The following DOCK5 variants were observed in gnomAD, a reference collection of about 807,000 sequenced individuals.
The protein encoded by DOCK5 is dedicator of cytokinesis 5, also known as dedicator of cytokinesis protein 5.
A neutral mutation model predicts 251.8 loss-of-function variants in DOCK5; 142 were observed. That is an observed-to-expected ratio of 0.56 (90% confidence interval 0.49 to 0.65). DOCK5 has a LOEUF of 0.65. Among genes scored for constraint, DOCK5 ranks in the 30% least tolerant of loss-of-function variants. DOCK5 has a pLI of 0.00. For synonymous variants in DOCK5, 842 were observed against 835.5 expected (o/e 1.01, Z -0.13); for missense variants, 2,111 against 2,312.3 (o/e 0.91, Z 1.79).
intron 29 of DOCK5, among the ~76,000 whole-genome samples, chr8:25,363,624 T>G (rs1422510379): frequency 1.3e-5 from 2 of 152,254 alleles, no homozygotes. Context: ...CAGGATATAC[T>G]CCTAAAATAA....
At chr8:25,359,097 C>A in intron 28 of DOCK5, 36 bp downstream of exon 28, 1 of 1,576,608 alleles carries the variant, frequency 6.3e-7, no homozygotes, top group Non-Finnish European at 8.7e-7. Context: ...AACCTGAAGA[C>A]TTCTTAAATT....
chr8:25,351,416 G>C (rs926030841), intron 26 of DOCK5: 2 of 299,296 alleles, frequency 6.7e-6, no homozygotes, highest in Admixed American at 9.6e-5. Flanking sequence ...GCTAATGGGG[G>C]TCCCCCAAAA....
chr8:25,410,876 G>A (rs941046624), intron 51 of DOCK5, among the ~76,000 whole-genome samples: 1 of 150,906 alleles, frequency 6.6e-6, no homozygotes, highest in East Asian at 2.0e-4. Flanking sequence ...ACTTTTAAGT[G>A]CCTCCTGTCT....
At chr8:25,325,947 G>A (rs1322204655) in intron 18 of DOCK5, among the ~76,000 whole-genome samples, 2 of 152,098 alleles carry the variant, frequency 1.3e-5, no homozygotes, top group African/African-American at 4.8e-5. Flanking sequence ...GTCCAAACAG[G>A]TATGGCAGGG....
intron 14 of DOCK5, among the ~76,000 whole-genome samples, 186 bp from the exon 15 acceptor site, chr8:25,319,392 C>T (rs1394235940): frequency 1.3e-5 from 2 of 152,114 alleles, no homozygotes; most frequent in African/African-American, 2.4e-5. Context: ...ATTATAGACC[C>T]TTGAATAAAG....
Position 25,319,585 on chromosome 8 carries a change from T to C in DOCK5, c.1451T>C (p.Ile484Thr), listed in dbSNP as rs1028375631. The C allele has an allele frequency of 1.9e-6, 3 of 1,577,088 alleles. No homozygotes were observed. The East Asian group carries it at 6.9e-5, about 36-fold the overall frequency. ...DEEGKLLEKA[I>T]HPGAGYEGIS... is the part of the protein sequence containing the mutation. ...TTTTCCTTCCATCTGAAGAAAGCAA[T>C]TCACCCTGGTGCTGGATATGAAGGC... is the stretch of plus-strand genomic sequence containing the variant. Residue 484 changes from isoleucine to threonine, a missense_variant, in exon 15 of 52, where the codon ATT becomes ACT. Physicochemically the swap from Ile to Thr is moderately conservative, Grantham distance 89. Coordinates refer to ENST00000276440, the MANE Select transcript of DOCK5 (RefSeq NM_024940.8).
chr8:25,361,530 C>T (rs1293080587), intron 28 of DOCK5, among the ~76,000 whole-genome samples: 1 of 152,194 alleles, frequency 6.6e-6, no homozygotes, highest in Non-Finnish European at 1.5e-5. Context: ...AGCAGAATCG[C>T]TTGAACCCGT....
At chr8:25,294,918 A>G (rs1398683494) in intron 6 of DOCK5, among the ~76,000 whole-genome samples, 3 of 152,138 alleles carry the variant, frequency 2.0e-5, no homozygotes, top group Non-Finnish European at 4.4e-5. Flanking sequence ...TGAGAACTCT[A>G]TCACGAGAAC....
intron 2 of DOCK5, among the ~76,000 whole-genome samples, chr8:25,268,367 C>A (rs1211803750): frequency 6.6e-6 from 1 of 151,842 alleles, no homozygotes; most frequent in Non-Finnish European, 1.5e-5. Context: ...TAAAATTTTT[C>A]CAGAATAGTG....
intron 2 of DOCK5, among the ~76,000 whole-genome samples, chr8:25,263,803 C>T (rs1803659886): frequency 6.6e-6 from 1 of 151,782 alleles, no homozygotes; most frequent in Admixed American, 6.6e-5. Flanking sequence ...CAGCCTTCCC[C>T]CACTGCGAAT....
At chr8:25,264,734 T>C (rs549624106) in intron 2 of DOCK5, among the ~76,000 whole-genome samples, 6 of 151,726 alleles carry the variant, frequency 4.0e-5, no homozygotes, top group South Asian at 4.2e-4. Context: ...GGATGAACCA[T>C]GAGAATTTCT....
At chr8:25,266,721 TTC>T (rs1032877128) in intron 2 of DOCK5, among the ~76,000 whole-genome samples, 10 of 151,838 alleles carry the variant, frequency 6.6e-5, no homozygotes, top group Non-Finnish European at 7.4e-5. Flanking sequence ...GATAGATCTG[TTC>T]TCTCATACCT....
chr8:25,208,742 G>A (rs1802061364), intron 1 of DOCK5, among the ~76,000 whole-genome samples: 1 of 152,066 alleles, frequency 6.6e-6, no homozygotes, highest in Non-Finnish European at 1.5e-5. Context: ...TTGCTTTATT[G>A]CACAGTCTGG....
chr8:25,273,049 G>A (rs1803952608), intron 3 of DOCK5, among the ~76,000 whole-genome samples: 1 of 150,632 alleles, frequency 6.6e-6, no homozygotes, highest in African/African-American at 2.5e-5. Flanking sequence ...AGAGATGATA[G>A]TCAGCAAATC....
At chr8:25,387,596 A>G (rs1422539433) in intron 40 of DOCK5, among the ~76,000 whole-genome samples, 1 of 152,084 alleles carries the variant, frequency 6.6e-6, no homozygotes, top group African/African-American at 2.4e-5. Context: ...TTCTTTCATC[A>G]TGCATCTCCT....
intron 26 of DOCK5, among the ~76,000 whole-genome samples, chr8:25,347,396 CT>C (rs1218783051): frequency 2.6e-5 from 4 of 152,144 alleles, no homozygotes; most frequent in East Asian, 1.9e-4. Context: ...ATCATTCCCC[CT>C]TTTTTTCATT....
chr8:25,251,904 G>A lies in DOCK5; in HGVS notation c.127+8147G>A, dbSNP rs916404854. ...CTTAGGAGACTGAGGCACAAGAATC[G>A]CTTGAACCCGGGAGGCAGAGGTTGC... On this transcript the variant is annotated intron_variant, in intron 2 of 51. Coordinates refer to ENST00000276440, the MANE Select transcript of DOCK5 (RefSeq NM_024940.8). Among the ~76,000 whole-genome samples, 6 of 151,712 alleles carry A rather than the reference G, an allele frequency of 4.0e-5. No homozygotes were observed. The South Asian group carries it at 6.2e-4, about 16-fold the overall frequency.
At chr8:25,186,520 G>T (rs748010317) in intron 1 of DOCK5, among the ~76,000 whole-genome samples, 1 of 151,844 alleles carries the variant, frequency 6.6e-6, no homozygotes, top group African/African-American at 2.4e-5. Flanking sequence ...CTGGGATTAC[G>T]GGCTTGCATC....
intron 2 of DOCK5, among the ~76,000 whole-genome samples, chr8:25,248,472 C>T (rs989062957): frequency 2.0e-5 from 3 of 152,084 alleles, no homozygotes; most frequent in African/African-American, 4.8e-5. Flanking sequence ...CCCTGGGATT[C>T]GTGTCTTCCA....
Sources: gnomAD v4.1 joint callset for allele counts (sites outside exome capture counted in the v4.1 genomes callset) on GRCh38, gnomAD v4.1.1 for gene constraint, MANE v1.5 for transcripts, NCBI Gene and HGNC (gene_info 2026-07-23, HGNC 2026-07-21) for gene names.